The following PAWR variants were observed in gnomAD, a reference collection of about 807,000 sequenced individuals.
PAWR encodes the protein pro-apoptotic WT1 regulator.
In PAWR, 23 loss-of-function variants were observed where a neutral mutation model predicts 32.0. The observed-to-expected ratio is 0.72, with a 90% CI of 0.52 to 1.02. PAWR has a LOEUF of 1.02. Ranked by LOEUF, PAWR falls within the 50% of genes least tolerant of loss-of-function variation. The probability of loss-of-function intolerance (pLI) is 0.00; values close to 1 mark genes in which losing one functional copy is unlikely to be tolerated. For missense variants in PAWR, 457 were observed against 437.7 expected, an observed-to-expected ratio of 1.04 and a Z score of -0.39; for synonymous variants, 226 against 187.1, an observed-to-expected ratio of 1.21 and a Z score of -1.70.
At chr12:79,599,059 A>C (rs1422899083) in intron 4 of PAWR, among the ~76,000 whole-genome samples, 4 of 152,196 alleles carry the variant, frequency 2.6e-5, no homozygotes, top group African/African-American at 9.7e-5. Flanking sequence ...CTTTGCATGG[A>C]AAGCTAAGAT....
At chr12:79,656,453 G>A (rs1379876602) in intron 2 of PAWR, among the ~76,000 whole-genome samples, 1 of 152,106 alleles carries the variant, frequency 6.6e-6, no homozygotes, top group Non-Finnish European at 1.5e-5. Context: ...GGGTGAGGCG[G>A]GGAAATATGG....
chr12:79,673,572 C>T (rs889988017), intron 2 of PAWR, among the ~76,000 whole-genome samples: 2 of 152,090 alleles, frequency 1.3e-5, no homozygotes, highest in South Asian at 2.1e-4. Flanking sequence ...TCAGTGACTC[C>T]GTTACCAGCC....
chr12:79,663,491 CTTAT>C lies in PAWR; in HGVS notation c.516+26234_516+26237del, dbSNP rs542471270. The stretch of plus-strand genomic sequence containing the variant: ...TTCTTAGGCAAATAAAGTTTAAAAA[CTTAT>C]TTGTTTTTATTTTACACCGTGGGAA... On this transcript the variant is annotated intron_variant, in intron 2 of 6. Transcript: ENST00000328827. Among the ~76,000 whole-genome samples, 238 of 152,266 alleles carry C rather than the reference CTTAT, an allele frequency of 1.6e-3. 1 individual carries two copies. Among genetic ancestry groups the C allele is most frequent in the African/African-American group, 5.4e-3 (225 of 41,550 alleles).
chr12:79,619,529 CATAGTATAT>C (rs1566004898), intron 3 of PAWR, among the ~76,000 whole-genome samples: 2 of 152,142 alleles, frequency 1.3e-5, no homozygotes. Flanking sequence ...CAAATATGTG[CATAGTATAT>C]ATAGCGTTCA....
rs1363949176 is a variant in PAWR, at chr12:79,592,666, C to A, written c.964G>T (p.Glu322Ter). The A allele has an allele frequency of 6.5e-6, 5 of 764,330 alleles. No homozygotes were observed. The highest frequency in any genetic ancestry group is 1.2e-5 in the Non-Finnish European group (5 of 414,444). The allele number at this position is 764,330 out of a possible 1,614,324, so 47.3% of individuals were successfully genotyped here. A position where few individuals can be genotyped will look rare whatever the true frequency, so the allele number is the denominator to read the frequency against. The change falls in exon 7 of 7, where the codon GAA becomes TAA. Residue 322 changes from glutamate to a stop codon, truncating the protein, a stop_gained. Transcript: ENST00000328827. LOFTEE classifies it high-confidence loss of function. Reference protein sequence around the residue: ...RDLDDIEDENEQLKQENKTLL... With the variant: ...RDLDDIEDEN ...GTTTTATTTTCCTGCTTTAGCTGTT[C>A]ATTTTCATCTTCTATGTCATCTAGG...
intron 2 of PAWR, among the ~76,000 whole-genome samples, chr12:79,670,611 A>T (rs1877842951): frequency 6.6e-6 from 1 of 152,208 alleles, no homozygotes; most frequent in Non-Finnish European, 1.5e-5. Context: ...AATGTTACAA[A>T]GGGAGTAATT....
intron 4 of PAWR, among the ~76,000 whole-genome samples, chr12:79,611,261 TA>T (rs1002880920): frequency 4.4e-4 from 64 of 146,734 alleles, no homozygotes; most frequent in Non-Finnish European, 6.9e-4. Context: ...TATATATATT[TA>T]TATATAATAT....
intron 2 of PAWR, among the ~76,000 whole-genome samples, chr12:79,639,159 C>G (rs1876158941): frequency 6.6e-6 from 1 of 151,242 alleles, no homozygotes. Context: ...GATCTGCCCG[C>G]CTCAGCCTCC....
intron 4 of PAWR, among the ~76,000 whole-genome samples, chr12:79,605,671 T>A (rs536149587): frequency 6.6e-6 from 1 of 152,302 alleles, no homozygotes; most frequent in Admixed American, 6.5e-5. Context: ...GTGTAAAGAA[T>A]CTAACATTAT....
At chr12:79,661,021 A>G (rs543783988) in intron 2 of PAWR, among the ~76,000 whole-genome samples, 1 of 151,858 alleles carries the variant, frequency 6.6e-6, no homozygotes, top group Non-Finnish European at 1.5e-5. Flanking sequence ...CAATCCCAGC[A>G]CTTTGGGAGG....
intron 2 of PAWR, 54 bp downstream of exon 2, chr12:79,689,675 G>C: frequency 6.6e-7 from 1 of 1,517,194 alleles, no homozygotes; most frequent in Non-Finnish European, 8.8e-7. Context: ...GGAAGACACC[G>C]GGAGGCAGCT....
intron 2 of PAWR, among the ~76,000 whole-genome samples, chr12:79,685,810 A>T (rs1878654928): frequency 6.6e-6 from 1 of 152,228 alleles, no homozygotes; most frequent in Non-Finnish European, 1.5e-5. Flanking sequence ...AAAGTTATGT[A>T]AAAATCTAGG....
intron 2 of PAWR, among the ~76,000 whole-genome samples, chr12:79,685,620 A>G (rs1878646771): frequency 6.6e-6 from 1 of 152,182 alleles, no homozygotes; most frequent in Non-Finnish European, 1.5e-5. Context: ...TCTGACCACT[A>G]GCCAAAAATA....
intron 2 of PAWR, among the ~76,000 whole-genome samples, chr12:79,673,704 G>A (rs557784619): frequency 3.1e-4 from 47 of 152,244 alleles, no homozygotes; most frequent in Admixed American, 1.3e-3. Flanking sequence ...TAAAATAAGA[G>A]CTAAAAATAG....
intron 3 of PAWR, among the ~76,000 whole-genome samples, chr12:79,620,076 A>C (rs1423923092): frequency 6.6e-6 from 1 of 152,250 alleles, no homozygotes; most frequent in East Asian, 1.9e-4. Context: ...CAACAAAGCC[A>C]CAGCCCTCAG....
rs535690793 is a variant in PAWR, at chr12:79,586,092, A to C, written c.*6515T>G. 1 of 152,242 alleles carries C rather than the reference A, an allele frequency of 6.6e-6. No individual in the cohort carries two copies. Among genetic ancestry groups the C allele is most frequent in the East Asian group, 1.9e-4 (1 of 5,198 alleles). The allele number at this position is 152,242 out of a possible 1,614,324, so 9.4% of individuals were successfully genotyped here. Reference sequence around the variant, plus strand: ...AATAAGTTAATATGAACAGACTGACATAATTTTACTTTAATGATGTTGTTT... The same window carrying C: ...AATAAGTTAATATGAACAGACTGACCTAATTTTACTTTAATGATGTTGTTT... On this transcript the variant is annotated 3_prime_UTR_variant, in exon 7 of 7. Coordinates refer to ENST00000328827, the MANE Select transcript of PAWR (RefSeq NM_002583.4).
At chr12:79,657,718 C>T (rs1877161675) in intron 2 of PAWR, among the ~76,000 whole-genome samples, 1 of 151,460 alleles carries the variant, frequency 6.6e-6, no homozygotes, top group Non-Finnish European at 1.5e-5. Flanking sequence ...GGCGTGAACC[C>T]GGGAGGTGGA....
chr12:79,625,088 G>T (rs912471924), intron 2 of PAWR, among the ~76,000 whole-genome samples: 6 of 151,860 alleles, frequency 4.0e-5, no homozygotes, highest in Non-Finnish European at 8.8e-5. Context: ...TGCAGTTTTT[G>T]CCAATATAAT....
intron 2 of PAWR, among the ~76,000 whole-genome samples, chr12:79,674,258 C>A (rs867855577): frequency 6.6e-6 from 1 of 152,072 alleles, no homozygotes; most frequent in South Asian, 2.1e-4. Context: ...TGCACACCTA[C>A]AACCATCTGA....
Sources: allele counts gnomAD v4.1 joint callset (sites outside exome capture counted in the v4.1 genomes callset), GRCh38; gene constraint gnomAD v4.1.1; transcripts MANE v1.5; gene names NCBI Gene and HGNC (gene_info 2026-07-23, HGNC 2026-07-21).